Variants in DYRK3 observed in about 807,000 individuals in gnomAD.
DYRK3 encodes the protein dual specificity tyrosine phosphorylation regulated kinase 3, also known as dual specificity tyrosine-phosphorylation-regulated kinase 3.
In DYRK3, 30 loss-of-function variants were observed where a neutral mutation model predicts 40.8. The observed-to-expected ratio is 0.74, with a 90% CI of 0.55 to 1.00. DYRK3 has a LOEUF of 1.00. Among genes scored for constraint, DYRK3 ranks in the 50% least tolerant of loss-of-function variants. The probability of loss-of-function intolerance (pLI) is 0.00; values close to 1 mark genes in which losing one functional copy is unlikely to be tolerated. For synonymous variants in DYRK3, 272 were observed against 260.7 expected, an observed-to-expected ratio of 1.04 and a Z score of -0.42; for missense variants, 699 against 731.5, an observed-to-expected ratio of 0.96 and a Z score of 0.51.
chr1:206,636,128 A>G, intron 1 of DYRK3: 1 of 1,266,240 alleles, frequency 7.9e-7, no homozygotes, highest in South Asian at 1.2e-5. Flanking sequence ...CCCGGGAGCA[A>G]TACCTTGGAA....
intron 2 of DYRK3, among the ~76,000 whole-genome samples, chr1:206,644,935 C>T (rs950488163): frequency 6.6e-6 from 1 of 152,228 alleles, no homozygotes; most frequent in African/African-American, 2.4e-5. Context: ...TGGGCAATAT[C>T]TGGCCCCTTT....
rs1671522227 is a variant in DYRK3 at position 206,648,249 on chromosome 1, A to G, written c.1051A>G (p.Thr351Ala). The G allele has an allele frequency of 3.1e-6, 5 of 1,614,170 alleles. No individual in the cohort carries two copies. The highest frequency in any genetic ancestry group is 4.2e-6 in the Non-Finnish European group (5 of 1,180,040). The change falls in exon 3 of 3, where the codon ACC (threonine) becomes GCC (alanine). Residue 351 changes from threonine (T) to alanine (A), a missense_variant. Thr to Ala is a moderately conservative substitution (Grantham distance 58). Coordinates refer to ENST00000367109, the MANE Select transcript of DYRK3 (RefSeq NM_003582.4). The stretch of plus-strand genomic sequence containing the variant: ...CCTGAAACACCACGGGCGCAGTTCA[A>G]CCAAGGTCATTGACTTTGGGTCCAG... ...ILLKHHGRSS[T>A]KVIDFGSSCF...
intron 2 of DYRK3, among the ~76,000 whole-genome samples, chr1:206,638,422 G>A (rs1396099891): frequency 2.0e-5 from 3 of 151,442 alleles, no homozygotes; most frequent in Non-Finnish European, 4.4e-5. Flanking sequence ...GATTACAGGC[G>A]CGTGCCACCA....
chr1:206,636,704 C>T (rs1671122333), intron 1 of DYRK3, among the ~76,000 whole-genome samples: 1 of 152,110 alleles, frequency 6.6e-6, no homozygotes, highest in Non-Finnish European at 1.5e-5. Flanking sequence ...AAAAATTATT[C>T]CTCTGCAACA....
intron 2 of DYRK3, among the ~76,000 whole-genome samples, chr1:206,643,031 G>A (rs1001668757): frequency 6.6e-6 from 1 of 152,080 alleles, no homozygotes; most frequent in Non-Finnish European, 1.5e-5. Context: ...TGATATTGAT[G>A]GTGGACTACA....
chr1:206,648,496 T>C lies in DYRK3; in HGVS notation c.1298T>C (p.Leu433Pro), dbSNP rs1553420737. ...ELLGMPPPKL[L>P]EQSKRAKYFI... Reference sequence around the variant, plus strand: ...CTAGGGATGCCACCACCAAAACTTCTGGAGCAATCCAAACGTGCCAAGTAC... The same window carrying C: ...CTAGGGATGCCACCACCAAAACTTCCGGAGCAATCCAAACGTGCCAAGTAC... The change falls in exon 3 of 3, where the codon CTG becomes CCG. Residue 433 changes from leucine (L) to proline (P), a missense_variant. Leu to Pro is a moderately conservative substitution (Grantham distance 98). Coordinates refer to ENST00000367109, the MANE Select transcript of DYRK3 (RefSeq NM_003582.4). The C allele has an allele frequency of 1.2e-6, 2 of 1,614,184 alleles. No individual in the cohort carries two copies. The highest frequency in any genetic ancestry group is 1.7e-5 in the Admixed American group (1 of 60,026).
At chr1:206,636,202 G>A in intron 1 of DYRK3, 1 of 601,728 alleles carries the variant, frequency 1.7e-6, no homozygotes, top group Non-Finnish European at 3.0e-6. Flanking sequence ...TGTGAGGGGT[G>A]CGGTCTAGCT....
At chr1:206,636,387 T>C (rs1025854006) in intron 1 of DYRK3, among the ~76,000 whole-genome samples, 2 of 152,236 alleles carry the variant, frequency 1.3e-5, no homozygotes, top group African/African-American at 4.8e-5. Context: ...CACTAGGCAA[T>C]TTTGCACGTT....
chr1:206,635,976 C>G (rs1157026205), intron 1 of DYRK3, 196 bp downstream of exon 1: 2 of 1,340,542 alleles, frequency 1.5e-6, no homozygotes, highest in Middle Eastern at 4.0e-4. Flanking sequence ...TCTCACCGGG[C>G]GCGGGGGACG....
intron 1 of DYRK3, 110 bp downstream of exon 1, chr1:206,635,890 C>T (rs1282041841): frequency 1.6e-5 from 20 of 1,263,680 alleles, no homozygotes; most frequent in Non-Finnish European, 1.9e-5. Flanking sequence ...GTAGGAGGGA[C>T]GAGGGCAGGG....
At position 206,648,236 on chromosome 1, in the gene DYRK3, C is replaced by T. The variant is rs149384908; in HGVS notation, c.1038C>T (p.His346=). The T allele has an allele frequency of 2.1e-4, 347 of 1,614,190 alleles. 1 individual carries two copies. In the African/African-American group the frequency reaches 4.2e-3, roughly 20 times the overall value. Residue 346 remains histidine, a synonymous_variant, in exon 3 of 3, where the codon CAC becomes CAT. Coordinates refer to ENST00000367109, the MANE Select transcript of DYRK3 (RefSeq NM_003582.4). ...CAGAAAACATTCTCCTGAAACACCA[C>T]GGGCGCAGTTCAACCAAGGTCATTG... ...LKPENILLKH[H]GRSSTKVIDF... is the part of the protein sequence containing the mutation.
At chr1:206,646,481 C>T (rs1203692609) in intron 2 of DYRK3, among the ~76,000 whole-genome samples, 3 of 151,988 alleles carry the variant, frequency 2.0e-5, no homozygotes, top group Non-Finnish European at 4.4e-5. Flanking sequence ...TAGGCTCTTG[C>T]TAGGGAAGAG....
In DYRK3 at chr1:206,640,358, G is replaced by A. The variant is rs530033059; in HGVS notation, c.189+2597G>A. Among the ~76,000 whole-genome samples, 234 of 152,148 alleles carry A rather than the reference G, an allele frequency of 1.5e-3. 2 individuals carry two copies. Among genetic ancestry groups the A allele is most frequent in the African/African-American group, 5.3e-3 (220 of 41,516 alleles). ...AGATCCTGTTACTTTTTTTTACAAA[G>A]TTTTCTAGCTTCATTTATTCAAGAT... On this transcript the variant is annotated intron_variant, in intron 2 of 2. Coordinates refer to ENST00000367109, the MANE Select transcript of DYRK3 (RefSeq NM_003582.4).
Position 206,648,817 on chromosome 1 carries a change from G to A in DYRK3, c.1619G>A (p.Arg540Gln), listed in dbSNP as rs201711218. 5 of 1,614,196 alleles carry A rather than the reference G, an allele frequency of 3.1e-6. No individual in the cohort carries two copies. Among genetic ancestry groups the A allele is most frequent in the Middle Eastern group, 1.6e-4 (1 of 6,062 alleles). The change falls in exon 3 of 3, where the codon CGG becomes CAG. Residue 540 changes from arginine (R) to glutamine (Q), a missense_variant. Transcript: ENST00000367109. ...ACCATAGACAAGGTGTCAGGGAAACGGGTAGTTAATCCTGCAAGTGCTTTC... is the reference window on the plus strand; with the variant it reads ...ACCATAGACAAGGTGTCAGGGAAACAGGTAGTTAATCCTGCAAGTGCTTTC... Reference protein sequence around the residue: ...LTTIDKVSGKRVVNPASAFQG... With the variant: ...LTTIDKVSGKQVVNPASAFQG...
rs782272571 is a variant in DYRK3, at chr1:206,637,629, G to T, written c.78-21G>T. Reference sequence around the variant, plus strand: ...TATTCTTCAGTTCCTGACAGATTTTGTCTGTAATCCTTTTAACTAGGTTGG... The same window carrying T: ...TATTCTTCAGTTCCTGACAGATTTTTTCTGTAATCCTTTTAACTAGGTTGG... On this transcript the variant is annotated intron_variant, in intron 1 of 2. Transcript: ENST00000367109. 12 of 1,548,710 alleles carry T rather than the reference G, an allele frequency of 7.7e-6. No individual in the cohort carries two copies. The East Asian group carries it at 2.2e-4, about 29-fold the overall frequency.
rs1369652927 is a variant in DYRK3, at chr1:206,650,225, A to G, written c.*1260A>G. Among the ~76,000 whole-genome samples, 1 of 152,180 alleles carries G rather than the reference A, an allele frequency of 6.6e-6. No individual in the cohort carries two copies. Among genetic ancestry groups the G allele is most frequent in the Non-Finnish European group, 1.5e-5 (1 of 68,022 alleles). Reference sequence around the variant, plus strand: ...TTTGTTGTTTCCTGTCCCTTGCTCTATTTCTGTCCTCTTCCAGAACAAAAG... The same window carrying G: ...TTTGTTGTTTCCTGTCCCTTGCTCTGTTTCTGTCCTCTTCCAGAACAAAAG... On this transcript the variant is annotated 3_prime_UTR_variant, in exon 3 of 3. Coordinates refer to ENST00000367109, the MANE Select transcript of DYRK3 (RefSeq NM_003582.4).
In DYRK3 at chr1:206,648,024, G is replaced by C. The variant is rs1553420519; in HGVS notation, c.826G>C (p.Glu276Gln). The part of the protein sequence containing the change: ...TGSMNVIHML[E>Q]SFTFRNHVCM... The stretch of plus-strand genomic sequence containing the variant: ...TAGTATGAACGTTATCCACATGCTG[G>C]AAAGTTTCACATTCCGGAACCATGT... Residue 276 changes from glutamate to glutamine, a missense_variant, in exon 3 of 3, where the codon GAA (glutamate) becomes CAA (glutamine). Transcript: ENST00000367109. 3 of 1,614,040 alleles carry C rather than the reference G, an allele frequency of 1.9e-6. No homozygotes were observed. Among genetic ancestry groups the C allele is most frequent in the South Asian group, 1.1e-5 (1 of 91,080 alleles).
intron 2 of DYRK3, 98 bp downstream of exon 2, chr1:206,637,859 AC>A (rs1671162853): frequency 1.1e-6 from 1 of 887,324 alleles, no homozygotes; most frequent in Non-Finnish European, 1.7e-6. Flanking sequence ...TGACAACCAG[AC>A]TTTTTTTTGG....
chr1:206,638,878 T>C (rs1307086156), intron 2 of DYRK3, among the ~76,000 whole-genome samples: 2 of 149,598 alleles, frequency 1.3e-5, no homozygotes, highest in African/African-American at 4.9e-5. Context: ...TTTTTCCTTT[T>C]TTTTTTTTTT....
Sources: allele counts gnomAD v4.1 joint callset (sites outside exome capture counted in the v4.1 genomes callset), GRCh38; gene constraint gnomAD v4.1.1; transcripts MANE v1.5; gene names NCBI Gene and HGNC (gene_info 2026-07-23, HGNC 2026-07-21).